Variants in FBXO8 observed in about 807,000 individuals in gnomAD.
FBXO8 encodes F-box only protein 8.
FBXO8 carries 15 observed loss-of-function variants against 33.4 expected under a neutral mutation model. That is an observed-to-expected ratio of 0.45 (90% confidence interval 0.30 to 0.69). The LOEUF (loss-of-function observed/expected upper bound fraction) is 0.69, where lower values mean the gene tolerates loss of function less well. FBXO8 is among the 30% of genes least tolerant of loss of function. The probability of loss-of-function intolerance (pLI) is 0.08; values close to 1 mark genes in which losing one functional copy is unlikely to be tolerated. For missense variants in FBXO8, 274 were observed against 380.3 expected (o/e 0.72, Z 2.32); for synonymous variants, 132 against 131.5 (o/e 1.00, Z -0.02).
chr4:174,267,100 C>A lies in FBXO8; in HGVS notation c.-8-4000G>T, dbSNP rs1736712143. Among the ~76,000 whole-genome samples, 1 of 152,026 alleles carries A rather than the reference C, an allele frequency of 6.6e-6. No individual in the cohort carries two copies. The highest frequency in any genetic ancestry group is 1.5e-5 in the Non-Finnish European group (1 of 68,006). On this transcript the variant is annotated intron_variant, in intron 1 of 5. Coordinates refer to ENST00000393674, the MANE Select transcript of FBXO8 (RefSeq NM_012180.3). This position sits in a 1 kb window ranked among gnomAD's most constrained non-coding sequence, Gnocchi z 4.7. Reference sequence around the variant, plus strand: ...GTTGTTTCTTCTTGTAAATCCAATTCTTTTATATCAATGACCCAGCAACAA... The same window carrying A: ...GTTGTTTCTTCTTGTAAATCCAATTATTTTATATCAATGACCCAGCAACAA...
rs1462147808 is a variant in FBXO8, at chr4:174,255,720, C to T, written c.456+3979G>A. Among the ~76,000 whole-genome samples, 2 of 152,014 alleles carry T rather than the reference C, an allele frequency of 1.3e-5. No individual in the cohort carries two copies. Among genetic ancestry groups the T allele is most frequent in the African/African-American group, 2.4e-5 (1 of 41,396 alleles). On this transcript the variant is annotated intron_variant, in intron 3 of 5. Transcript: ENST00000393674. The surrounding 1 kb of genome is among the most constrained non-coding windows in gnomAD (Gnocchi z 4.3). ...ATGTTCACTACCAATTTTTCAGATC[C>T]TAAATTTAAAAATAACTACGTCAAG...
chr4:174,238,281 A>G (rs1735934513), intron 5 of FBXO8, among the ~76,000 whole-genome samples: 1 of 151,946 alleles, frequency 6.6e-6, no homozygotes, highest in Non-Finnish European at 1.5e-5. Flanking sequence ...TTTAATATTA[A>G]AATAGTAACA....
At position 174,241,403 on chromosome 4, in the gene FBXO8, T is replaced by G. The variant is rs1033632389; in HGVS notation, c.457-185A>C. ...TATTGTTTGTGGTTGATAGTTTACA[T>G]GCAATGAAAAGCAGGAAATTCAAAG... On this transcript the variant is annotated intron_variant, in intron 3 of 5. Coordinates refer to ENST00000393674, the MANE Select transcript of FBXO8 (RefSeq NM_012180.3). This position sits in a 1 kb window ranked among gnomAD's most constrained non-coding sequence, Gnocchi z 4.2. Among the ~76,000 whole-genome samples, 3 of 151,668 alleles carry G rather than the reference T, an allele frequency of 2.0e-5. No homozygotes were observed. Among genetic ancestry groups the G allele is most frequent in the Non-Finnish European group, 4.4e-5 (3 of 67,668 alleles).
In FBXO8 at chr4:174,278,001, A is replaced by T. The variant is rs1259510044; in HGVS notation, c.-9+5409T>A. On this transcript the variant is annotated intron_variant, in intron 1 of 5. Coordinates refer to ENST00000393674, the MANE Select transcript of FBXO8 (RefSeq NM_012180.3). The surrounding 1 kb of genome is among the most constrained non-coding windows in gnomAD (Gnocchi z 4.1). ...ATATTTTCTGAGACATTTTGAATCAAATCAGGAGCCTAGCATTTATTTCTT... is the reference window on the plus strand; with the variant it reads ...ATATTTTCTGAGACATTTTGAATCATATCAGGAGCCTAGCATTTATTTCTT... Among the ~76,000 whole-genome samples, 1 of 152,132 alleles carries T rather than the reference A, an allele frequency of 6.6e-6. No individual in the cohort carries two copies. Among genetic ancestry groups the T allele is most frequent in the Admixed American group, 6.5e-5 (1 of 15,290 alleles).
Position 174,272,355 on chromosome 4 carries a change from C to G in FBXO8, c.-8-9255G>C, listed in dbSNP as rs929885314. On this transcript the variant is annotated intron_variant, in intron 1 of 5. Coordinates refer to ENST00000393674, the MANE Select transcript of FBXO8 (RefSeq NM_012180.3). This position sits in a 1 kb window ranked among gnomAD's most constrained non-coding sequence, Gnocchi z 4.7. Reference sequence around the variant, plus strand: ...ATCATCTCTAGATTACTTATAACATCCAATAAGATGTAAATGCTATGTAAA... The same window carrying G: ...ATCATCTCTAGATTACTTATAACATGCAATAAGATGTAAATGCTATGTAAA... Among the ~76,000 whole-genome samples, 1 of 152,098 alleles carries G rather than the reference C, an allele frequency of 6.6e-6. No individual in the cohort carries two copies. Among genetic ancestry groups the G allele is most frequent in the African/African-American group, 2.4e-5 (1 of 41,408 alleles).
In FBXO8 at chr4:174,274,464, T is replaced by G. The variant is rs1427614436; in HGVS notation, c.-9+8946A>C. Among the ~76,000 whole-genome samples, 1 of 152,248 alleles carries G rather than the reference T, an allele frequency of 6.6e-6. No homozygotes were observed. Among genetic ancestry groups the G allele is most frequent in the Non-Finnish European group, 1.5e-5 (1 of 68,036 alleles). On this transcript the variant is annotated intron_variant, in intron 1 of 5. Transcript: ENST00000393674. This position sits in a 1 kb window ranked among gnomAD's most constrained non-coding sequence, Gnocchi z 4.0. ...TCAAATACACCTGATAACTGTGGAT[T>G]AATTACCTGAGTAGTCATAATCCTG...
At position 174,259,363 on chromosome 4, in the gene FBXO8, AT is replaced by A. The variant is rs1736490408; in HGVS notation, c.456+335del. Among the ~76,000 whole-genome samples the A allele has an allele frequency of 3.9e-5, 6 of 152,100 alleles. No individual in the cohort carries two copies. Among genetic ancestry groups the A allele is most frequent in the African/African-American group, 1.4e-4 (6 of 41,456 alleles). ...AATAAACAGAAAAAAACTGCTGCAG[AT>A]AAAATCTGATGAACACACTCTGTGT... On this transcript the variant is annotated intron_variant, in intron 3 of 5. Transcript: ENST00000393674. The surrounding 1 kb of genome is among the most constrained non-coding windows in gnomAD (Gnocchi z 4.3).
chr4:174,240,939 T>C (rs1187836827), intron 4 of FBXO8, among the ~76,000 whole-genome samples, 161 bp downstream of exon 4: 1 of 151,722 alleles, frequency 6.6e-6, no homozygotes, highest in African/African-American at 2.4e-5. Flanking sequence ...AAGTCAAAGC[T>C]CACGAAAGAA....
chr4:174,240,889 G>C (rs1235006620), intron 4 of FBXO8, among the ~76,000 whole-genome samples: 2 of 151,596 alleles, frequency 1.3e-5, no homozygotes, highest in East Asian at 3.9e-4. Context: ...TGTACATGTG[G>C]ACTTTTACTT....
At chr4:174,271,096 T>C (rs1353518215) in intron 1 of FBXO8, among the ~76,000 whole-genome samples, 1 of 151,818 alleles carries the variant, frequency 6.6e-6, no homozygotes, top group Non-Finnish European at 1.5e-5. Flanking sequence ...CACCTCTCTC[T>C]CCCATAAAAT....
At position 174,260,132 on chromosome 4, in the gene FBXO8, T is replaced by C. The variant is rs1294653523; in HGVS notation, c.330-307A>G. ...GTAATAATAGCTAACATTTACTGAA[T>C]ACTTACTAGATGTCAGACCCTATTT... On this transcript the variant is annotated intron_variant, in intron 2 of 5. Transcript: ENST00000393674. Among the ~76,000 whole-genome samples, 4 of 152,128 alleles carry C rather than the reference T, an allele frequency of 2.6e-5. No individual in the cohort carries two copies. In the East Asian group the frequency reaches 7.7e-4, roughly 29 times the overall value.
chr4:174,242,079 G>A (rs1736053013), intron 3 of FBXO8, among the ~76,000 whole-genome samples: 1 of 151,528 alleles, frequency 6.6e-6, no homozygotes, highest in South Asian at 2.1e-4. Context: ...TAAAAGGCAG[G>A]TGGGTTTATT....
chr4:174,253,532 G>A lies in FBXO8; in HGVS notation c.456+6167C>T, dbSNP rs545287801. ...GGATACTAAGGCCTCTAACCCAGCA[G>A]AGACCAGAAACAAGGAAGGCTGAAT... On this transcript the variant is annotated intron_variant, in intron 3 of 5. Transcript: ENST00000393674. This position sits in a 1 kb window ranked among gnomAD's most constrained non-coding sequence, Gnocchi z 4.5. Among the ~76,000 whole-genome samples, 1 of 152,284 alleles carries A rather than the reference G, an allele frequency of 6.6e-6. No homozygotes were observed. The highest frequency in any genetic ancestry group is 2.1e-4 in the South Asian group (1 of 4,826).
rs1032308054 is a variant in FBXO8, at chr4:174,281,863, T to C, written c.-9+1547A>G. Among the ~76,000 whole-genome samples the C allele has an allele frequency of 6.6e-6, 1 of 152,170 alleles. No individual in the cohort carries two copies. The highest frequency in any genetic ancestry group is 2.4e-5 in the African/African-American group (1 of 41,434). ...AGAAATAGATGTATTTCATTTAAAT[T>C]GTTTAAAAAATTATTTAAGTAAAAT... On this transcript the variant is annotated intron_variant, in intron 1 of 5. Transcript: ENST00000393674. This position sits in a 1 kb window ranked among gnomAD's most constrained non-coding sequence, Gnocchi z 4.6.
At position 174,256,722 on chromosome 4, in the gene FBXO8, G is replaced by C. The variant is rs1736425183; in HGVS notation, c.456+2977C>G. Among the ~76,000 whole-genome samples, 2 of 151,966 alleles carry C rather than the reference G, an allele frequency of 1.3e-5. No homozygotes were observed. The highest frequency in any genetic ancestry group is 4.1e-4 in the South Asian group (2 of 4,820). On this transcript the variant is annotated intron_variant, in intron 3 of 5. Transcript: ENST00000393674. This position sits in a 1 kb window ranked among gnomAD's most constrained non-coding sequence, Gnocchi z 4.6. ...TCCTAAGTGCATTCTGGTAAAGATA[G>C]CATTTTCTTTTGCTATTAGGTAACA... is the stretch of plus-strand genomic sequence containing the variant.
rs1736801912 is a variant in FBXO8 at position 174,270,069 on chromosome 4, A to T, written c.-8-6969T>A. ...AGTAAACAGGAAACTTAGAAGCCTG[A>T]CATGAATGGCTACTGAATGGCTACT... is the stretch of plus-strand genomic sequence containing the variant. On this transcript the variant is annotated intron_variant, in intron 1 of 5. Transcript: ENST00000393674. This position sits in a 1 kb window ranked among gnomAD's most constrained non-coding sequence, Gnocchi z 4.6. Among the ~76,000 whole-genome samples, 1 of 152,230 alleles carries T rather than the reference A, an allele frequency of 6.6e-6. No individual in the cohort carries two copies. The highest frequency in any genetic ancestry group is 1.5e-5 in the Non-Finnish European group (1 of 68,036).
rs547330456 is a variant in FBXO8 at position 174,252,653 on chromosome 4, G to GCA, written c.456+7044_456+7045dup. 8.1e-3 allele frequency among the ~76,000 whole-genome samples: 1,033 copies of GCA among 127,954 alleles called. 14 individuals are homozygous for GCA. Among genetic ancestry groups the GCA allele is most frequent in the East Asian group, 0.017 (85 of 5,060 alleles). The allele number at this position is 127,954 out of a possible 152,430, so 83.9% of individuals were successfully genotyped here. On this transcript the variant is annotated intron_variant, in intron 3 of 5. Transcript: ENST00000393674. The surrounding 1 kb of genome is among the most constrained non-coding windows in gnomAD (Gnocchi z 5.1). ...CATGTACTTGTGCATGTGAGTGCAT[G>GCA]CACACACACACACACACACACACGC...
intron 2 of FBXO8, among the ~76,000 whole-genome samples, chr4:174,260,086 C>T (rs574915284): frequency 1.3e-4 from 20 of 152,008 alleles, no homozygotes; most frequent in Admixed American, 1.2e-3. Context: ...TGAAGTTAAA[C>T]ATAAACTATT....
rs994703839 is a variant in FBXO8, at chr4:174,270,679, C to T, written c.-8-7579G>A. 7.3e-5 allele frequency among the ~76,000 whole-genome samples: 11 copies of T among 151,088 alleles called. No homozygotes were observed. Among genetic ancestry groups the T allele is most frequent in the African/African-American group, 2.4e-4 (10 of 41,098 alleles). On this transcript the variant is annotated intron_variant, in intron 1 of 5. Coordinates refer to ENST00000393674, the MANE Select transcript of FBXO8 (RefSeq NM_012180.3). The surrounding 1 kb of genome is among the most constrained non-coding windows in gnomAD (Gnocchi z 4.6). ...GTTCCCCAGCTGCAGTGCAATGGCG[C>T]GATCTCGGCTCACTGCAACCTCCAC...
Sources: allele counts gnomAD v4.1 joint callset (sites outside exome capture counted in the v4.1 genomes callset), GRCh38; gene constraint gnomAD v4.1.1; non-coding constraint Gnocchi (gnomAD v3.1); transcripts MANE v1.5; gene names NCBI Gene and HGNC (gene_info 2026-07-23, HGNC 2026-07-21).